The following GRM8 variants were observed in gnomAD, a reference collection of about 807,000 sequenced individuals.
The protein encoded by GRM8 is glutamate metabotropic receptor 8.
GRM8 carries 47 observed loss-of-function variants against 87.2 expected under a neutral mutation model. The ratio of observed to expected loss-of-function variants is 0.54; its 90% CI spans 0.43 to 0.69. The LOEUF (loss-of-function observed/expected upper bound fraction) is 0.69. GRM8 is among the 30% of genes least tolerant of loss of function. The probability of loss-of-function intolerance (pLI) is 0.00; values close to 1 mark genes in which losing one functional copy is unlikely to be tolerated. For missense variants in GRM8, 1,019 were observed against 1,139.2 expected (o/e 0.89, Z 1.52); for synonymous variants, 396 against 404.5 (o/e 0.98, Z 0.25).
At chr7:126,903,781 A>G (rs868317338) in intron 5 of GRM8, among the ~76,000 whole-genome samples, 191 bp downstream of exon 5, 2,082 of 143,168 alleles carry the variant, frequency 0.015, 146 homozygotes, top group African/African-American at 0.052. Flanking sequence ...GTGTGTATAT[A>G]TATATATATA....
chr7:126,732,798 G>T (rs1813744106), intron 7 of GRM8, among the ~76,000 whole-genome samples: 1 of 152,042 alleles, frequency 6.6e-6, no homozygotes, highest in Non-Finnish European at 1.5e-5. Flanking sequence ...AAAATTTCAA[G>T]ATATGGAAAA....
chr7:126,442,932 G>A (rs561354506), intron 10 of GRM8, among the ~76,000 whole-genome samples: 39 of 152,108 alleles, frequency 2.6e-4, no homozygotes, highest in African/African-American at 8.7e-4. Context: ...GTGGATGGCA[G>A]ATACCTCGCA....
chr7:126,539,299 T>C (rs1416618861), intron 8 of GRM8, among the ~76,000 whole-genome samples: 1 of 151,870 alleles, frequency 6.6e-6, no homozygotes, highest in Non-Finnish European at 1.5e-5. Flanking sequence ...AAAGTATAAA[T>C]AGTTGAAAAG....
At chr7:126,734,758 C>T (rs866595879) in intron 7 of GRM8, among the ~76,000 whole-genome samples, 4 of 151,938 alleles carry the variant, frequency 2.6e-5, no homozygotes, top group Non-Finnish European at 5.9e-5. Context: ...AAACGAATTT[C>T]CCAGTTCAAA....
intron 9 of GRM8, among the ~76,000 whole-genome samples, chr7:126,522,494 T>C (rs766353696): frequency 7.2e-5 from 11 of 152,194 alleles, no homozygotes; most frequent in Non-Finnish European, 1.3e-4. Flanking sequence ...TATCTGACTA[T>C]CCTTGTTTTA....
intron 2 of GRM8, among the ~76,000 whole-genome samples, chr7:127,240,739 G>C (rs1450714350): frequency 6.6e-6 from 1 of 152,080 alleles, no homozygotes; most frequent in Non-Finnish European, 1.5e-5. Context: ...TCAGAGAGAA[G>C]AGTTACAGAA....
intron 2 of GRM8, among the ~76,000 whole-genome samples, chr7:127,212,093 G>A (rs1796242673): frequency 6.6e-6 from 1 of 152,052 alleles, no homozygotes; most frequent in Admixed American, 6.6e-5. Context: ...CCTATTTTTG[G>A]ACCGGCAGAG....
chr7:126,792,720 T>G (rs1170824128), intron 6 of GRM8, among the ~76,000 whole-genome samples: 1 of 152,032 alleles, frequency 6.6e-6, no homozygotes, highest in East Asian at 1.9e-4. Flanking sequence ...GGGGTGCTTT[T>G]TTTCCATCCC....
intron 7 of GRM8, among the ~76,000 whole-genome samples, chr7:126,763,849 T>G (rs1015260517): frequency 1.3e-5 from 2 of 151,920 alleles, no homozygotes; most frequent in Non-Finnish European, 2.9e-5. Context: ...CAGAAAGAAT[T>G]AATGTTTTTC....
At chr7:127,084,503 T>C (rs1823250663) in intron 3 of GRM8, 1 of 152,168 alleles carries the variant, frequency 6.6e-6, no homozygotes, top group African/African-American at 2.4e-5. Context: ...ACAGAGCACC[T>C]TCATTATAGA....
At chr7:126,761,219 A>C (rs943262485) in intron 7 of GRM8, among the ~76,000 whole-genome samples, 2 of 149,402 alleles carry the variant, frequency 1.3e-5, no homozygotes, top group Admixed American at 6.7e-5. Flanking sequence ...AAAAAAAAAA[A>C]AGTAGATGAA....
intron 7 of GRM8, among the ~76,000 whole-genome samples, chr7:126,717,479 C>A (rs947713520): frequency 3.9e-5 from 6 of 152,082 alleles, no homozygotes; most frequent in South Asian, 2.1e-4. Flanking sequence ...ATGTTTGGGA[C>A]ATACAACTAT....
intron 7 of GRM8, among the ~76,000 whole-genome samples, chr7:126,676,854 A>T (rs1041306267): frequency 1.3e-5 from 2 of 152,172 alleles, no homozygotes; most frequent in Non-Finnish European, 2.9e-5. Context: ...CGAATGCAAT[A>T]AAAAGAAATA....
In GRM8 at chr7:126,770,056, C is replaced by A. The variant is rs769445141; in HGVS notation, c.1166G>T (p.Arg389Leu). Reference sequence around the variant, plus strand: ...TTCATAAGATGAATCCCGAGCAATTCGCTCCAGCCCTGCAAAATAAAAAAG... The same window carrying A: ...TTCATAAGATGAATCCCGAGCAATTAGCTCCAGCCCTGCAAAATAAAAAAG... ...SHIKKCTGLE[R>L]IARDSSYEQE... The change falls in exon 7 of 11, where the codon CGA (arginine) becomes CTA (leucine). Residue 389 changes from arginine (R) to leucine (L), a missense_variant. Coordinates refer to ENST00000339582, the MANE Select transcript of GRM8 (RefSeq NM_000845.3). 2.5e-6 allele frequency: 4 copies of A among 1,610,240 alleles called. No individual in the cohort carries two copies. The highest frequency in any genetic ancestry group is 3.4e-6 in the Non-Finnish European group (4 of 1,177,510).
intron 3 of GRM8, among the ~76,000 whole-genome samples, chr7:127,090,205 C>T (rs552861938): frequency 4.6e-5 from 7 of 152,324 alleles, no homozygotes; most frequent in African/African-American, 7.2e-5. Flanking sequence ...TTTCTGCACA[C>T]GTACCTCAAC....
intron 8 of GRM8, among the ~76,000 whole-genome samples, chr7:126,592,738 C>T (rs527388387): frequency 6.6e-6 from 1 of 151,916 alleles, no homozygotes; most frequent in East Asian, 1.9e-4. Context: ...TCTCTAAGAT[C>T]TAGAAGAAGA....
intron 8 of GRM8, among the ~76,000 whole-genome samples, chr7:126,581,603 A>C (rs563790670): frequency 4.6e-5 from 7 of 152,244 alleles, no homozygotes; most frequent in African/African-American, 1.7e-4. Flanking sequence ...AAAGGGCAAT[A>C]CAGGTACACC....
chr7:127,249,175 T>C (rs569798836), intron 1 of GRM8, among the ~76,000 whole-genome samples: 1 of 152,164 alleles, frequency 6.6e-6, no homozygotes, highest in East Asian at 1.9e-4. Flanking sequence ...CAACAATCTA[T>C]ACTCCTCTGA....
chr7:126,720,847 T>C (rs952137723), intron 7 of GRM8, among the ~76,000 whole-genome samples: 2 of 152,190 alleles, frequency 1.3e-5, no homozygotes, highest in African/African-American at 4.8e-5. Flanking sequence ...GAGGTAGAAT[T>C]TTCATTGGCA....
Sources: allele counts gnomAD v4.1 joint callset (sites outside exome capture counted in the v4.1 genomes callset), GRCh38; gene constraint gnomAD v4.1.1; transcripts MANE v1.5; gene names NCBI Gene and HGNC (gene_info 2026-07-23, HGNC 2026-07-21).